SPIRE1: variants seen among roughly 807,000 people sequenced by gnomAD.
The protein encoded by SPIRE1 is spire type actin nucleation factor 1, also known as protein spire homolog 1.
SPIRE1 carries 40 observed loss-of-function variants against 94.1 expected under a neutral mutation model. The ratio of observed to expected loss-of-function variants is 0.43; its 90% CI spans 0.33 to 0.55. The LOEUF is 0.55. Ranked by LOEUF, SPIRE1 falls within the 20% of genes least tolerant of loss-of-function variation. The probability of loss-of-function intolerance (pLI) is 0.06; values close to 1 mark genes in which losing one functional copy is unlikely to be tolerated. For missense variants in SPIRE1, 838 were observed against 975.2 expected (o/e 0.86, Z 1.87); for synonymous variants, 376 against 371.7 (o/e 1.01, Z -0.13).
At chr18:12,565,002 A>G (rs2035781482) in intron 2 of SPIRE1, among the ~76,000 whole-genome samples, 1 of 152,212 alleles carries the variant, frequency 6.6e-6, no homozygotes, top group Admixed American at 6.5e-5. Context: ...AAAAGAAAAG[A>G]AAAAGATACC....
chr18:12,449,933 C>A, intron 16 of SPIRE1, 37 bp from the exon 17 acceptor site: 1 of 1,588,046 alleles, frequency 6.3e-7, no homozygotes, highest in African/African-American at 1.4e-5. Flanking sequence ...AGCATTGTTA[C>A]TTATAGGTCT....
chr18:12,538,148 T>C (rs2034897123), intron 3 of SPIRE1, among the ~76,000 whole-genome samples: 1 of 152,176 alleles, frequency 6.6e-6, no homozygotes, highest in Non-Finnish European at 1.5e-5. Context: ...GTAGTCTCTC[T>C]GGAGCCCAAG....
At chr18:12,469,576 T>G (rs985893507) in intron 10 of SPIRE1, among the ~76,000 whole-genome samples, 2 of 145,564 alleles carry the variant, frequency 1.4e-5, no homozygotes, top group Non-Finnish European at 3.0e-5. Context: ...ATTATATATA[T>G]TATATATAGT....
intron 12 of SPIRE1, 98 bp downstream of exon 12, chr18:12,463,253 T>G: frequency 8.0e-7 from 1 of 1,256,736 alleles, no homozygotes; most frequent in South Asian, 2.0e-5. Flanking sequence ...TTCTAACTTT[T>G]GCAAGTTTTT....
At chr18:12,452,121 TAAA>T in intron 16 of SPIRE1, 131 bp downstream of exon 16, 1 of 1,055,872 alleles carries the variant, frequency 9.5e-7, no homozygotes, top group Non-Finnish European at 1.4e-6. Context: ...GATTTGTGTG[TAAA>T]ACTGTATTAA....
intron 1 of SPIRE1, among the ~76,000 whole-genome samples, chr18:12,637,249 C>G (rs947329343): frequency 1.5e-4 from 22 of 151,482 alleles, no homozygotes; most frequent in African/African-American, 4.1e-4. Flanking sequence ...GTCCCAGCTA[C>G]TCGGGAGGCT....
chr18:12,562,204 G>C (rs1191655171), intron 2 of SPIRE1, among the ~76,000 whole-genome samples: 1 of 151,970 alleles, frequency 6.6e-6, no homozygotes, highest in Non-Finnish European at 1.5e-5. Flanking sequence ...CTAACATCAG[G>C]GATTTACAAC....
At chr18:12,509,646 A>C (rs2033958712) in intron 5 of SPIRE1, among the ~76,000 whole-genome samples, 1 of 152,248 alleles carries the variant, frequency 6.6e-6, no homozygotes, top group South Asian at 2.1e-4. Context: ...AACAAGAAAC[A>C]ACCCAAATGA....
intron 1 of SPIRE1, among the ~76,000 whole-genome samples, chr18:12,647,918 C>T (rs2038267435): frequency 6.6e-6 from 1 of 152,070 alleles, no homozygotes; most frequent in Admixed American, 6.6e-5. Context: ...AAACATCTTG[C>T]AGTGCCAGAA....
At position 12,657,614 on chromosome 18, in the gene SPIRE1, CCGAGCG is replaced by C; in HGVS notation, c.247_252del (p.Arg83_Ser84del). 7.7e-7 allele frequency: 1 copy of C among 1,294,020 alleles called. No individual in the cohort carries two copies. The highest frequency in any genetic ancestry group is 9.8e-7 in the Non-Finnish European group (1 of 1,023,646). The allele number at this position is 1,294,020 out of a possible 1,614,324, so 80.2% of individuals were successfully genotyped here. On this transcript the variant is annotated inframe_deletion, in exon 1 of 17. Transcript: ENST00000409402. ...TCCCTCCAGACGCGGATCTGCGCGG[CCGAGCG>C]CACACGGTGGCGGGGCTGGCGGCGG... is the stretch of plus-strand genomic sequence containing the variant.
rs1339545065 is a variant in SPIRE1, at chr18:12,657,881, C to T, written c.-15G>A. 50 of 1,048,014 alleles carry T rather than the reference C, an allele frequency of 4.8e-5. No homozygotes were observed. Among genetic ancestry groups the T allele is most frequent in the Non-Finnish European group, 5.6e-5 (49 of 873,962 alleles). The allele number at this position is 1,048,014 out of a possible 1,614,324, so 64.9% of individuals were successfully genotyped here. A position where few individuals can be genotyped will look rare whatever the true frequency, so the allele number is the denominator to read the frequency against. ...GCCTGAGCCATCCCGCGGGTGGGCG[C>T]TGCGCTCGGCAGTCGCGCCGTGTGC... On this transcript the variant is annotated 5_prime_UTR_variant, in exon 1 of 17. Coordinates refer to ENST00000409402, the MANE Select transcript of SPIRE1 (RefSeq NM_001128626.2).
At chr18:12,625,477 T>C (rs1365190553) in intron 2 of SPIRE1, among the ~76,000 whole-genome samples, 1 of 152,204 alleles carries the variant, frequency 6.6e-6, no homozygotes, top group Admixed American at 6.5e-5. Flanking sequence ...GCAATTCCAT[T>C]TACAAACCCA....
chr18:12,649,345 G>A (rs9944951), intron 1 of SPIRE1, among the ~76,000 whole-genome samples: 115,496 of 151,972 alleles, frequency 0.76, 44,091 homozygotes, highest in Admixed American at 0.8. Flanking sequence ...GGAGCCGGGG[G>A]CTGCAGCGAG....
intron 1 of SPIRE1, among the ~76,000 whole-genome samples, chr18:12,644,650 A>G (rs745746854): frequency 9.2e-5 from 14 of 152,224 alleles, no homozygotes; most frequent in Non-Finnish European, 1.6e-4. Flanking sequence ...TGGAGCACCT[A>G]AGGCAACAAA....
intron 12 of SPIRE1, among the ~76,000 whole-genome samples, chr18:12,456,846 C>CT: frequency 6.6e-6 from 1 of 152,296 alleles, no homozygotes; most frequent in Admixed American, 6.5e-5. Flanking sequence ...AATCATTTTT[C>CT]TTTCGTTTTG....
intron 6 of SPIRE1, among the ~76,000 whole-genome samples, chr18:12,504,335 T>C (rs1598418815): frequency 6.9e-6 from 1 of 145,558 alleles, no homozygotes; most frequent in South Asian, 2.1e-4. Flanking sequence ...GGTGAAGCCC[T>C]GTCTCTACTA....
chr18:12,560,996 A>G (rs777878031), intron 2 of SPIRE1, among the ~76,000 whole-genome samples: 6 of 152,214 alleles, frequency 3.9e-5, no homozygotes, highest in Non-Finnish European at 7.3e-5. Context: ...GATTGTTTGT[A>G]ACACAAAGGA....
chr18:12,636,027 G>A (rs2037915684), intron 1 of SPIRE1, among the ~76,000 whole-genome samples: 1 of 151,800 alleles, frequency 6.6e-6, no homozygotes, highest in South Asian at 2.1e-4. Flanking sequence ...TGAGTAGCTG[G>A]GACTACAGGC....
intron 9 of SPIRE1, among the ~76,000 whole-genome samples, chr18:12,485,061 T>C (rs189910923): frequency 4.5e-4 from 68 of 152,078 alleles, no homozygotes; most frequent in African/African-American, 1.6e-3. Context: ...CACATAATTA[T>C]ATATTACAAC....
Sources: gnomAD v4.1 joint callset for allele counts (sites outside exome capture counted in the v4.1 genomes callset) on GRCh38, gnomAD v4.1.1 for gene constraint, MANE v1.5 for transcripts, NCBI Gene and HGNC (gene_info 2026-07-23, HGNC 2026-07-21) for gene names.